SEC11C: variants seen among roughly 807,000 people sequenced by gnomAD.
The protein encoded by SEC11C is signal peptidase complex catalytic subunit SEC11C.
SEC11C carries 10 observed loss-of-function variants against 21.9 expected under a neutral mutation model. The ratio of observed to expected loss-of-function variants is 0.46; its 90% CI spans 0.28 to 0.77. The LOEUF (loss-of-function observed/expected upper bound fraction) is 0.77. SEC11C is among the 30% of genes least tolerant of loss of function. The pLI is 0.12. For missense variants in SEC11C, 145 were observed against 244.5 expected, an observed-to-expected ratio of 0.59 and a Z score of 2.71; for synonymous variants, 83 against 85.6, an observed-to-expected ratio of 0.97 and a Z score of 0.17.
Position 59,152,659 on chromosome 18 carries a change from TCA to T in SEC11C, c.324_325del (p.His108GlnfsTer7). Reference protein sequence around the residue: ...KVEGRDIPIVHRVIKVHEKDN... With the variant: ...KVEGRDIPIVXRVIKVHEKDN... Reference sequence around the variant, plus strand: ...TTGAAGGACGAGACATTCCAATAGTTCACAGAGTAATCAAAGTTCATGAAAAG... The same window carrying T: ...TTGAAGGACGAGACATTCCAATAGTTCAGAGTAATCAAAGTTCATGAAAAG... On this transcript the variant is annotated frameshift_variant, in exon 3 of 6. Transcript: ENST00000587834. LOFTEE classifies it high-confidence loss of function. The T allele has an allele frequency of 6.2e-7, 1 of 1,606,506 alleles. No individual in the cohort carries two copies. Among genetic ancestry groups the T allele is most frequent in the Non-Finnish European group, 8.5e-7 (1 of 1,178,076 alleles).
chr18:59,158,042 A>G (rs1466574173), intron 5 of SEC11C, among the ~76,000 whole-genome samples: 1 of 152,026 alleles, frequency 6.6e-6, no homozygotes, highest in Non-Finnish European at 1.5e-5. Flanking sequence ...ACACACATAT[A>G]TGTATACATA....
At chr18:59,149,828 G>A (rs2069326342) in intron 2 of SEC11C, among the ~76,000 whole-genome samples, 1 of 152,074 alleles carries the variant, frequency 6.6e-6, no homozygotes, top group Admixed American at 6.6e-5. Flanking sequence ...TTTCTTAGTA[G>A]ACATTTTAGA....
At chr18:59,157,435 C>T (rs1448209001) in intron 4 of SEC11C, 173 bp from the exon 5 acceptor site, 3 of 534,238 alleles carry the variant, frequency 5.6e-6, no homozygotes, top group Non-Finnish European at 1.0e-5. Context: ...AGTGCTGATG[C>T]TCCTTACTAA....
intron 4 of SEC11C, 163 bp from the exon 5 acceptor site, chr18:59,157,442 CTAA>C (rs1376538856): frequency 2.3e-5 from 13 of 560,888 alleles, no homozygotes; most frequent in Non-Finnish European, 1.6e-5. Context: ...ATGCTCCTTA[CTAA>C]TAAAGCTGTT....
At position 59,158,689 on chromosome 18, in the gene SEC11C, G is replaced by A. The variant is rs757427702; in HGVS notation, c.*4G>A. 6.8e-6 allele frequency: 11 copies of A among 1,610,830 alleles called. No individual in the cohort carries two copies. The highest frequency in any genetic ancestry group is 8.5e-6 in the Non-Finnish European group (10 of 1,177,076). ...GTTACTAAAACGTGAATCCTAAAAT[G>A]AGAAGCAGTTCCTGGGACCAGATTG... is the stretch of plus-strand genomic sequence containing the variant. On this transcript the variant is annotated 3_prime_UTR_variant, in exon 6 of 6. Transcript: ENST00000587834.
rs1166137450 is a variant in SEC11C at position 59,139,972 on chromosome 18, G to T, written c.24G>T (p.Gly8=). The change falls in exon 1 of 6, where the codon GGG becomes GGT. Residue 8 remains glycine (G), a synonymous_variant. Coordinates refer to ENST00000587834, the MANE Select transcript of SEC11C (RefSeq NM_033280.4). Reference sequence around the variant, plus strand: ...CTATGGTGCGTGCGGGCGCCGTGGGGGCTCATCTCCCCGCGTCCGGCTTGG... The same window carrying T: ...CTATGGTGCGTGCGGGCGCCGTGGGTGCTCATCTCCCCGCGTCCGGCTTGG... MVRAGAV[G]AHLPASGLDI... is the part of the protein sequence containing the mutation. 1 of 1,592,424 alleles carries T rather than the reference G, an allele frequency of 6.3e-7. No homozygotes were observed. The highest frequency in any genetic ancestry group is 1.7e-5 in the Admixed American group (1 of 58,744).
intron 5 of SEC11C, among the ~76,000 whole-genome samples, chr18:59,158,276 G>A (rs535915960): frequency 1.6e-3 from 236 of 152,224 alleles, no homozygotes; most frequent in African/African-American, 5.6e-3. Flanking sequence ...GCCTGGTCTC[G>A]AACTCCTGAC....
chr18:59,157,676 ATG>A lies in SEC11C; in HGVS notation c.525+17_525+18del. 1 of 1,538,568 alleles carries A rather than the reference ATG, an allele frequency of 6.5e-7. No individual in the cohort carries two copies. The highest frequency in any genetic ancestry group is 9.0e-7 in the Non-Finnish European group (1 of 1,111,816). On this transcript the variant is annotated intron_variant, in intron 5 of 5. Transcript: ENST00000587834. ...TATCCAAAATTCAAGGTAGGAATTT[ATG>A]TGTGTCTATATTTATTTACTTCGTT...
At chr18:59,150,215 G>A (rs1300392590) in intron 2 of SEC11C, among the ~76,000 whole-genome samples, 2 of 152,202 alleles carry the variant, frequency 1.3e-5, no homozygotes, top group Non-Finnish European at 2.9e-5. Context: ...TTTGGGAACT[G>A]ATAGGTGCTT....
At chr18:59,153,987 G>A (rs2069390016) in intron 3 of SEC11C, among the ~76,000 whole-genome samples, 3 of 152,122 alleles carry the variant, frequency 2.0e-5, no homozygotes, top group African/African-American at 4.8e-5. Context: ...GATTACAGGT[G>A]TGAGCAACTG....
At chr18:59,141,137 G>A (rs2069205285) in intron 1 of SEC11C, among the ~76,000 whole-genome samples, 1 of 142,944 alleles carries the variant, frequency 7.0e-6, no homozygotes, top group African/African-American at 2.8e-5. Context: ...TTAGGCATAC[G>A]TGTTTTTCCC....
intron 2 of SEC11C, 79 bp from the exon 3 acceptor site, chr18:59,152,453 TTGAG>T (rs1230823353): frequency 1.8e-5 from 25 of 1,425,590 alleles, no homozygotes; most frequent in Non-Finnish European, 2.1e-5. Flanking sequence ...TACTTGACTA[TTGAG>T]TTTCACCTCT....
At chr18:59,157,528 G>T in intron 4 of SEC11C, 80 bp from the exon 5 acceptor site, 1 of 945,792 alleles carries the variant, frequency 1.1e-6, no homozygotes, top group South Asian at 1.3e-5. Context: ...TCTTAAGACT[G>T]ATCTATAGTG....
intron 2 of SEC11C, among the ~76,000 whole-genome samples, chr18:59,151,982 T>A (rs2069360388): frequency 6.6e-6 from 1 of 152,218 alleles, no homozygotes; most frequent in Admixed American, 6.5e-5. Context: ...AATTGGGCTT[T>A]TGTAGAATAT....
chr18:59,148,324 G>A (rs62095624), intron 1 of SEC11C, among the ~76,000 whole-genome samples: 37,331 of 152,124 alleles, frequency 0.25, 4,721 homozygotes, highest in South Asian at 0.29. Context: ...TCCCTCTTGC[G>A]CCTGGAAGGA....
intron 3 of SEC11C, among the ~76,000 whole-genome samples, chr18:59,154,279 A>G (rs1263138667): frequency 6.6e-6 from 1 of 152,242 alleles, no homozygotes; most frequent in Non-Finnish European, 1.5e-5. Flanking sequence ...TGCATGAATT[A>G]TGAGAGACTG....
At chr18:59,152,400 TAAG>T in intron 2 of SEC11C, 133 bp from the exon 3 acceptor site, 1 of 868,134 alleles carries the variant, frequency 1.2e-6, no homozygotes, top group Non-Finnish European at 1.7e-6. Flanking sequence ...CTTGAGCAGT[TAAG>T]AAGGAAGCCA....
At chr18:59,142,372 A>ATTTTATAATTTGC (rs59624053) in intron 1 of SEC11C, among the ~76,000 whole-genome samples, 31,031 of 151,908 alleles carry the variant, frequency 0.2, 3,933 homozygotes, top group East Asian at 0.39. Flanking sequence ...AAGTGGCAAG[A>ATTTTATAATTTGC]TTTTATCGGG....
intron 5 of SEC11C, 93 bp from the exon 6 acceptor site, chr18:59,158,539 A>G: frequency 2.1e-6 from 2 of 935,790 alleles, no homozygotes; most frequent in Non-Finnish European, 3.5e-6. Flanking sequence ...TTCTGTCCTC[A>G]GCGCAGTATT....
Sources: allele counts gnomAD v4.1 joint callset (sites outside exome capture counted in the v4.1 genomes callset), GRCh38; gene constraint gnomAD v4.1.1; transcripts MANE v1.5; gene names NCBI Gene and HGNC (gene_info 2026-07-23, HGNC 2026-07-21).